RFX3: variants seen among roughly 807,000 people sequenced by gnomAD.
RFX3 encodes regulatory factor X3, also known as transcription factor RFX3.
Under a neutral mutation model 98.6 loss-of-function variants are expected in RFX3, and 14 were observed. The ratio of observed to expected loss-of-function variants is 0.14; its 90% CI spans 0.09 to 0.22. The LOEUF (loss-of-function observed/expected upper bound fraction) is 0.22, where lower values mean the gene tolerates loss of function less well. Ranked by LOEUF, RFX3 falls within the 10% of genes least tolerant of loss-of-function variation. The pLI, the probability that RFX3 is intolerant of heterozygous loss-of-function variation, is 1.00. For missense variants in RFX3, 639 were observed against 926.9 expected, an observed-to-expected ratio of 0.69 and a Z score of 4.03; for synonymous variants, 383 against 328.4, an observed-to-expected ratio of 1.17 and a Z score of -1.80.
chr9:3,376,088 T>C (rs1838455040), intron 2 of RFX3, among the ~76,000 whole-genome samples: 1 of 152,122 alleles, frequency 6.6e-6, no homozygotes, highest in Admixed American at 6.5e-5. Flanking sequence ...CATAAGAAGA[T>C]AGTATTATTA....
At chr9:3,505,938 T>C (rs1043938662) in intron 1 of RFX3, among the ~76,000 whole-genome samples, 1 of 151,936 alleles carries the variant, frequency 6.6e-6, no homozygotes, top group Non-Finnish European at 1.5e-5. Context: ...TTTTATTCAT[T>C]CTTGTATCCT....
chr9:3,366,638 T>C (rs1019230834), intron 2 of RFX3, among the ~76,000 whole-genome samples: 1 of 151,960 alleles, frequency 6.6e-6, no homozygotes, highest in Non-Finnish European at 1.5e-5. Flanking sequence ...TTTTCTTTTT[T>C]TTTTCTTTCT....
chr9:3,390,133 G>C (rs1840149684), intron 2 of RFX3, among the ~76,000 whole-genome samples: 1 of 152,144 alleles, frequency 6.6e-6, no homozygotes, highest in Non-Finnish European at 1.5e-5. Flanking sequence ...GATATGGTTT[G>C]CCTGTGTCCT....
intron 1 of RFX3, among the ~76,000 whole-genome samples, chr9:3,442,667 A>T (rs1028821996): frequency 1.3e-5 from 2 of 152,176 alleles, no homozygotes; most frequent in African/African-American, 4.8e-5. Flanking sequence ...GAGAAAAGGA[A>T]TGGGGGTATA....
chr9:3,426,075 G>A (rs1406881517), intron 1 of RFX3, among the ~76,000 whole-genome samples: 2 of 151,972 alleles, frequency 1.3e-5, no homozygotes, highest in Non-Finnish European at 2.9e-5. Context: ...TATACGATTG[G>A]ATTTACTTAT....
intron 10 of RFX3, 108 bp from the exon 11 acceptor site, chr9:3,270,633 T>C: frequency 9.0e-7 from 1 of 1,107,710 alleles, no homozygotes; most frequent in Non-Finnish European, 1.3e-6. Flanking sequence ...GTTAGAACTA[T>C]ACCACCATTG....
At chr9:3,462,798 C>T (rs1847815302) in intron 1 of RFX3, among the ~76,000 whole-genome samples, 1 of 151,822 alleles carries the variant, frequency 6.6e-6, no homozygotes, top group East Asian at 1.9e-4. Context: ...GCTAGCATTA[C>T]AATAGCATGT....
chr9:3,483,477 C>T (rs1849986956), intron 1 of RFX3, among the ~76,000 whole-genome samples: 1 of 151,992 alleles, frequency 6.6e-6, no homozygotes, highest in Admixed American at 6.6e-5. Context: ...CTGAATGAGA[C>T]ACAGATAATA....
chr9:3,477,019 T>G (rs1849327118), intron 1 of RFX3, among the ~76,000 whole-genome samples: 1 of 152,166 alleles, frequency 6.6e-6, no homozygotes, highest in Non-Finnish European at 1.5e-5. Context: ...AATACATATA[T>G]GTCACTAGCT....
chr9:3,229,312 GA>G lies in RFX3; in HGVS notation c.1969-424del, dbSNP rs1173346370. Among the ~76,000 whole-genome samples, 5 of 152,202 alleles carry G rather than the reference GA, an allele frequency of 3.3e-5. No individual in the cohort carries two copies. In the East Asian group the frequency reaches 9.6e-4, roughly 29 times the overall value. On this transcript the variant is annotated intron_variant, in intron 15 of 16. Transcript: ENST00000617270. Reference sequence around the variant, plus strand: ...TCCACCTGGAAGTCTCTACATTAGAGAAACAATATCCAGCAGTTTGGCTGAA... The same window carrying G: ...TCCACCTGGAAGTCTCTACATTAGAGAACAATATCCAGCAGTTTGGCTGAA...
chr9:3,499,474 A>G (rs1019210918), intron 1 of RFX3, among the ~76,000 whole-genome samples: 3 of 152,068 alleles, frequency 2.0e-5, no homozygotes, highest in Non-Finnish European at 4.4e-5. Context: ...TGCACATTCT[A>G]TAACTTTAAA....
At chr9:3,417,649 C>T (rs1004860674) in intron 1 of RFX3, among the ~76,000 whole-genome samples, 1 of 151,820 alleles carries the variant, frequency 6.6e-6, no homozygotes, top group African/African-American at 2.4e-5. Flanking sequence ...GATGCAGAAC[C>T]CCCTCAATAA....
intron 1 of RFX3, among the ~76,000 whole-genome samples, chr9:3,467,150 T>TATTATGTATATATGTATATACATAAA (rs1848351983): frequency 7.5e-6 from 1 of 133,842 alleles, no homozygotes; most frequent in Non-Finnish European, 1.6e-5. Context: ...ATATACATAA[T>TATTATGTATATATGTATATACATAAA]ATATATGTAT....
intron 4 of RFX3, among the ~76,000 whole-genome samples, chr9:3,318,111 TG>T (rs1351534712): frequency 2.6e-5 from 4 of 152,176 alleles, no homozygotes; most frequent in Non-Finnish European, 5.9e-5. Flanking sequence ...AGCAAAGTCT[TG>T]GAACCAACCC....
At chr9:3,457,415 TAACTTC>T (rs1847289929) in intron 1 of RFX3, among the ~76,000 whole-genome samples, 5 of 152,166 alleles carry the variant, frequency 3.3e-5, no homozygotes, top group African/African-American at 9.7e-5. Flanking sequence ...TTGCCTTTCT[TAACTTC>T]AATTCCCTTA....
In RFX3 at chr9:3,400,082, G is replaced by A. The variant is rs147622942; in HGVS notation, c.-8-4486C>T. 2.0e-3 allele frequency: 368 copies of A among 184,218 alleles called. 1 individual carries two copies. Among genetic ancestry groups the A allele is most frequent in the African/African-American group, 8.1e-3 (341 of 42,020 alleles). The allele number at this position is 184,218 out of a possible 1,614,324, so 11.4% of individuals were successfully genotyped here. On this transcript the variant is annotated intron_variant, in intron 1 of 16. Coordinates refer to ENST00000617270, the MANE Select transcript of RFX3 (RefSeq NM_001282116.2). ...GAAATGTATCACTAGATTAAAACTA[G>A]TGATTTTATCAATAGATGTATCACT...
intron 11 of RFX3, among the ~76,000 whole-genome samples, chr9:3,266,583 T>C (rs1239558474): frequency 6.6e-6 from 1 of 152,184 alleles, no homozygotes; most frequent in South Asian, 2.1e-4. Context: ...CAGCAACATA[T>C]ACCAGTTGTG....
At chr9:3,438,337 G>T (rs1845331508) in intron 1 of RFX3, among the ~76,000 whole-genome samples, 1 of 152,090 alleles carries the variant, frequency 6.6e-6, no homozygotes, top group African/African-American at 2.4e-5. Flanking sequence ...CAGTCTTGAA[G>T]AACTTGATAC....
At chr9:3,371,991 C>T (rs188750096) in intron 2 of RFX3, among the ~76,000 whole-genome samples, 3 of 152,118 alleles carry the variant, frequency 2.0e-5, no homozygotes, top group Non-Finnish European at 2.9e-5. Context: ...ATAGAGATTA[C>T]CTAAGGTAGT....
Sources: gnomAD v4.1 joint callset for allele counts (sites outside exome capture counted in the v4.1 genomes callset) on GRCh38, gnomAD v4.1.1 for gene constraint, MANE v1.5 for transcripts, NCBI Gene and HGNC (gene_info 2026-07-23, HGNC 2026-07-21) for gene names.